The following ARHGAP15 variants were observed in gnomAD, a reference collection of about 807,000 sequenced individuals.
ARHGAP15 encodes Rho GTPase activating protein 15.
Under a neutral mutation model 63.7 loss-of-function variants are expected in ARHGAP15, and 51 were observed. The ratio of observed to expected loss-of-function variants is 0.80; its 90% CI spans 0.64 to 1.01. The LOEUF is 1.01. Among genes scored for constraint, ARHGAP15 ranks in the 50% least tolerant of loss-of-function variants. The pLI is 0.00. For synonymous variants in ARHGAP15, 191 were observed against 193.8 expected, an observed-to-expected ratio of 0.99 and a Z score of 0.12; for missense variants, 560 against 564.6, an observed-to-expected ratio of 0.99 and a Z score of 0.08.
At chr2:143,328,764 T>C (rs1684373525) in intron 6 of ARHGAP15, among the ~76,000 whole-genome samples, 1 of 152,134 alleles carries the variant, frequency 6.6e-6, no homozygotes, top group South Asian at 2.1e-4. Flanking sequence ...AACTACTACT[T>C]CATAGCACAA....
chr2:143,390,119 AAG>A (rs1687472847), intron 6 of ARHGAP15, among the ~76,000 whole-genome samples: 2 of 152,148 alleles, frequency 1.3e-5, no homozygotes, highest in Non-Finnish European at 2.9e-5. Flanking sequence ...TTAAATATAA[AAG>A]AGATATGAGA....
At chr2:143,754,436 C>G (rs1686497483) in intron 13 of ARHGAP15, among the ~76,000 whole-genome samples, 1 of 152,150 alleles carries the variant, frequency 6.6e-6, no homozygotes. Context: ...TCCCCAACTT[C>G]CAATCCCAGG....
At chr2:143,165,982 G>GAAA (rs1203498258) in intron 2 of ARHGAP15, among the ~76,000 whole-genome samples, 1 of 115,826 alleles carries the variant, frequency 8.6e-6, no homozygotes, top group African/African-American at 3.4e-5. Context: ...AAGAAAGAAA[G>GAAA]AAAGAAAGAA....
intron 6 of ARHGAP15, among the ~76,000 whole-genome samples, chr2:143,300,061 C>A (rs960158796): frequency 2.6e-5 from 4 of 151,922 alleles, no homozygotes; most frequent in Non-Finnish European, 5.9e-5. Flanking sequence ...AATGAAATAT[C>A]TGGGATTATA....
At chr2:143,673,451 C>T (rs1682632944) in intron 12 of ARHGAP15, among the ~76,000 whole-genome samples, 1 of 151,850 alleles carries the variant, frequency 6.6e-6, no homozygotes, top group African/African-American at 2.4e-5. Flanking sequence ...GAGTGTGCCA[C>T]CACGCCCAGC....
At chr2:143,528,690 T>C (rs1216557416) in intron 10 of ARHGAP15, among the ~76,000 whole-genome samples, 1 of 152,154 alleles carries the variant, frequency 6.6e-6, no homozygotes, top group Non-Finnish European at 1.5e-5. Context: ...AAAATGATGT[T>C]GTTCTTGTTA....
intron 6 of ARHGAP15, among the ~76,000 whole-genome samples, chr2:143,266,832 A>G (rs1445642507): frequency 6.6e-6 from 1 of 152,216 alleles, no homozygotes; most frequent in East Asian, 1.9e-4. Flanking sequence ...AGGACCAAGT[A>G]TCATTGGAGT....
intron 13 of ARHGAP15, 90 bp downstream of exon 13, chr2:143,703,614 C>T (rs1359577633): frequency 1.1e-6 from 1 of 928,706 alleles, no homozygotes; most frequent in African/African-American, 1.7e-5. Flanking sequence ...CAAGAGTTTC[C>T]AAATGCGTAC....
At chr2:143,481,751 G>C (rs1374760127) in intron 8 of ARHGAP15, among the ~76,000 whole-genome samples, 1 of 152,114 alleles carries the variant, frequency 6.6e-6, no homozygotes, top group Non-Finnish European at 1.5e-5. Flanking sequence ...AGCTGTGTCA[G>C]GTATAACACT....
intron 6 of ARHGAP15, among the ~76,000 whole-genome samples, chr2:143,270,618 G>A (rs937675252): frequency 1.3e-5 from 2 of 152,078 alleles, no homozygotes; most frequent in African/African-American, 4.8e-5. Context: ...CTACTTTCCT[G>A]TTTAAATAAA....
At chr2:143,573,395 A>G (rs1696540770) in intron 11 of ARHGAP15, among the ~76,000 whole-genome samples, 1 of 152,332 alleles carries the variant, frequency 6.6e-6, no homozygotes, top group East Asian at 1.9e-4. Flanking sequence ...AGGAAAATCA[A>G]AAATAACATG....
At chr2:143,477,212 G>GCA (rs10526603) in intron 8 of ARHGAP15, among the ~76,000 whole-genome samples, 292 of 149,870 alleles carry the variant, frequency 1.9e-3, no homozygotes, top group African/African-American at 6.6e-3. Context: ...ACACACTCGC[G>GCA]CACACACACA....
intron 6 of ARHGAP15, among the ~76,000 whole-genome samples, chr2:143,270,973 T>C (rs1054293187): frequency 5.9e-5 from 9 of 151,604 alleles, no homozygotes; most frequent in Non-Finnish European, 1.2e-4. Context: ...CTGATCAAGT[T>C]ATGTTTTTCA....
intron 10 of ARHGAP15, among the ~76,000 whole-genome samples, chr2:143,550,361 C>T (rs956278314): frequency 6.6e-5 from 10 of 151,946 alleles, no homozygotes; most frequent in South Asian, 2.1e-4. Flanking sequence ...GAAAAATTAC[C>T]GATCACATAC....
At chr2:143,623,679 G>A (rs906056345) in intron 11 of ARHGAP15, among the ~76,000 whole-genome samples, 1 of 152,232 alleles carries the variant, frequency 6.6e-6, no homozygotes, top group African/African-American at 2.4e-5. Context: ...GCTAACACAT[G>A]TAAAGCAATA....
At chr2:143,664,595 C>CA (rs1414727886) in intron 12 of ARHGAP15, among the ~76,000 whole-genome samples, 8 of 150,652 alleles carry the variant, frequency 5.3e-5, no homozygotes, top group African/African-American at 1.7e-4. Flanking sequence ...AATAGAGACA[C>CA]AAAAAACCCT....
chr2:143,373,960 A>C (rs1157919425), intron 6 of ARHGAP15, among the ~76,000 whole-genome samples: 1 of 152,218 alleles, frequency 6.6e-6, no homozygotes, highest in African/African-American at 2.4e-5. Context: ...CAAACCTGCA[A>C]AACCATTTTC....
At chr2:143,187,594 A>G (rs546061117) in intron 2 of ARHGAP15, among the ~76,000 whole-genome samples, 69 of 152,358 alleles carry the variant, frequency 4.5e-4, no homozygotes, top group African/African-American at 1.6e-3. Context: ...GAGGAGACTG[A>G]GACACAGAGA....
At chr2:143,530,477 A>C (rs2105013556) in intron 10 of ARHGAP15, among the ~76,000 whole-genome samples, 1 of 152,304 alleles carries the variant, frequency 6.6e-6, no homozygotes, top group South Asian at 2.1e-4. Flanking sequence ...ACTAAAGCCA[A>C]ATTTGATGCT....
Sources: allele counts gnomAD v4.1 joint callset (sites outside exome capture counted in the v4.1 genomes callset), GRCh38; gene constraint gnomAD v4.1.1; transcripts MANE v1.5; gene names NCBI Gene and HGNC (gene_info 2026-07-23, HGNC 2026-07-21).